Variants in NIN observed in about 807,000 individuals in gnomAD.
The protein encoded by NIN is ninein.
A neutral mutation model predicts 257.6 loss-of-function variants in NIN; 137 were observed. The ratio of observed to expected loss-of-function variants is 0.53; its 90% confidence interval spans 0.46 to 0.61. The LOEUF is 0.61. NIN is among the 20% of genes least tolerant of loss of function. NIN has a pLI of 0.00. For synonymous variants in NIN, 918 were observed against 919.8 expected (o/e 1.00, Z 0.04); for missense variants, 2,439 against 2,501.2 (o/e 0.98, Z 0.53).
At position 50,758,408 on chromosome 14, in the gene NIN, C is replaced by T. The variant is rs1236499937; in HGVS notation, c.2622G>A (p.Glu874=). The change falls in exon 18 of 31, where the codon GAG becomes GAA. Residue 874 remains glutamate, a synonymous_variant. Transcript: ENST00000530997. ...ELTQECAEAQ[E]LLKETLKREK... ...CTCTCTTAAGAGTCTCTTTCAGCAG[C>T]TCCTGGGCTTCCGCACACTCCTGGG... 1.2e-6 allele frequency: 2 copies of T among 1,614,038 alleles called. No individual in the cohort carries two copies. The highest frequency in any genetic ancestry group is 1.7e-6 in the Non-Finnish European group (2 of 1,179,890).
Position 50,738,135 on chromosome 14 carries a change from C to T in NIN, c.5775+5G>A. On this transcript the variant is annotated splice_donor_5th_base_variant and intron_variant, in intron 27 of 30. Transcript: ENST00000530997. ...GATGTACGCCATATATTCTCAAAAACTCACCTTCCTGTTAGCAGGAGATTG... is the reference window on the plus strand; with the variant it reads ...GATGTACGCCATATATTCTCAAAAATTCACCTTCCTGTTAGCAGGAGATTG... 1 of 1,613,758 alleles carries T rather than the reference C, an allele frequency of 6.2e-7. No homozygotes were observed. Among genetic ancestry groups the T allele is most frequent in the Non-Finnish European group, 8.5e-7 (1 of 1,179,854 alleles).
At chr14:50,741,280 C>T (rs956844830) in intron 25 of NIN, among the ~76,000 whole-genome samples, 7 of 152,034 alleles carry the variant, frequency 4.6e-5, no homozygotes, top group African/African-American at 1.7e-4. Context: ...AAAAAAAGAC[C>T]TGTTTTATAT....
In NIN at chr14:50,722,561, CCT is replaced by C. The variant is rs1290615378; in HGVS notation, c.*900_*901del. 4 of 210,500 alleles carry C rather than the reference CCT, an allele frequency of 1.9e-5. No individual in the cohort carries two copies. Among genetic ancestry groups the C allele is most frequent in the Non-Finnish European group, 2.9e-5 (3 of 103,522 alleles). The allele number at this position is 210,500 out of a possible 1,614,324, so 13.0% of individuals were successfully genotyped here. On this transcript the variant is annotated 3_prime_UTR_variant, in exon 31 of 31. Transcript: ENST00000530997. ...AGGAAGACAGTTTACAGTATTGTTC[CCT>C]GAGTTCTTGAGGCAACCTCAAGTAA...
In NIN at chr14:50,764,043, G is replaced by C. The variant is rs1595808574; in HGVS notation, c.1636-79C>G. 7.0e-6 allele frequency: 9 copies of C among 1,291,932 alleles called. No individual in the cohort carries two copies. The East Asian group carries it at 2.1e-4, about 30-fold the overall frequency. The allele number at this position is 1,291,932 out of a possible 1,614,324, so 80.0% of individuals were successfully genotyped here. On this transcript the variant is annotated intron_variant, in intron 14 of 30. Transcript: ENST00000530997. ...ACAACAACAACAAAAAAGATAAATT[G>C]GATATCATCAAAACAAAATCTTTTG...
At position 50,758,552 on chromosome 14, in the gene NIN, A is replaced by G. The variant is rs1254190643; in HGVS notation, c.2478T>C (p.Thr826=). 1 of 1,613,262 alleles carries G rather than the reference A, an allele frequency of 6.2e-7. No homozygotes were observed. The highest frequency in any genetic ancestry group is 8.5e-7 in the Non-Finnish European group (1 of 1,179,690). ...TTTGCAGAGCGCTTTCACACCTCTC[A>G]GTGACTTTCTGACAATCAGACTGAA... ...AQFQSDCQKV[T]ERCESALQSL... The change falls in exon 18 of 31, where the codon ACT becomes ACC. Residue 826 remains threonine, a synonymous_variant. Coordinates refer to ENST00000530997, the MANE Select transcript of NIN (RefSeq NM_020921.4).
rs563493579 is a variant in NIN, at chr14:50,730,608, G to C, written c.5878-885C>G. Among the ~76,000 whole-genome samples, 165 of 152,082 alleles carry C rather than the reference G, an allele frequency of 1.1e-3. 1 individual carries two copies. The highest frequency in any genetic ancestry group is 3.9e-3 in the African/African-American group (163 of 41,472). ...CCATTTCCTTATATCTAAATTTCTA[G>C]GTGGGGGTGGGGGCATTGCCCACTT... is the stretch of plus-strand genomic sequence containing the variant. On this transcript the variant is annotated intron_variant, in intron 28 of 30. Transcript: ENST00000530997.
In NIN at chr14:50,729,656, T is replaced by C. The variant is rs756677951; in HGVS notation, c.5945A>G (p.Gln1982Arg). The C allele has an allele frequency of 4.1e-5, 66 of 1,613,722 alleles. No individual in the cohort carries two copies. Among genetic ancestry groups the C allele is most frequent in the Middle Eastern group, 1.7e-4 (1 of 6,000 alleles). The change falls in exon 29 of 31, where the codon CAG (glutamine) becomes CGG (arginine). Residue 1982 changes from glutamine to arginine, a missense_variant. Physicochemically the swap from Gln to Arg is conservative, Grantham distance 43. Coordinates refer to ENST00000530997, the MANE Select transcript of NIN (RefSeq NM_020921.4). Reference protein sequence around the residue: ...SPHAWDLQLLQQQACPMVPRE... With the variant: ...SPHAWDLQLLRQQACPMVPRE... ...GGGCACCATCGGACAGGCTTGCTGCTGGAGCAGCTGCAAATCCCAAGCATG... is the reference window on the plus strand; with the variant it reads ...GGGCACCATCGGACAGGCTTGCTGCCGGAGCAGCTGCAAATCCCAAGCATG...
Position 50,770,631 on chromosome 14 carries a change from A to G in NIN, c.1260-69T>C. On this transcript the variant is annotated intron_variant, in intron 11 of 30. Transcript: ENST00000530997. ...AGGTCCCAGTATCAATCTACCAAAA[A>G]TGGAAACACAGAGGCACAGAGATGA... The G allele has an allele frequency of 3.2e-6, 5 of 1,548,938 alleles. No homozygotes were observed. In the South Asian group the frequency reaches 5.8e-5, roughly 18 times the overall value.
At chr14:50,749,835 G>A (rs920515865) in intron 21 of NIN, among the ~76,000 whole-genome samples, 3 of 152,010 alleles carry the variant, frequency 2.0e-5, no homozygotes, top group African/African-American at 2.4e-5. Flanking sequence ...GACTATAGGG[G>A]CATGCCACCA....
At position 50,760,205 on chromosome 14, in the gene NIN, G is replaced by A; in HGVS notation, c.2051C>T (p.Ala684Val). The change falls in exon 17 of 31, where the codon GCA becomes GTA. Residue 684 changes from alanine to valine, a missense_variant. Physicochemically the swap from Ala to Val is moderately conservative, Grantham distance 64. Coordinates refer to ENST00000530997, the MANE Select transcript of NIN (RefSeq NM_020921.4). ...NEIAELQGQA[A>V]VLKEAHHEAT... ...CTCATGATGTGCCTCCTTGAGCACT[G>A]CTGCTTGCCCCTGAAGTTCAGCAAT... 6.2e-7 allele frequency: 1 copy of A among 1,613,838 alleles called. No individual in the cohort carries two copies. Among genetic ancestry groups the A allele is most frequent in the South Asian group, 1.1e-5 (1 of 91,088 alleles).
rs776504868 is a variant in NIN, at chr14:50,738,294, G to A, written c.5629-8C>T. The A allele has an allele frequency of 6.2e-7, 1 of 1,608,390 alleles. No homozygotes were observed. Among genetic ancestry groups the A allele is most frequent in the South Asian group, 1.1e-5 (1 of 89,604 alleles). On this transcript the variant is annotated splice_polypyrimidine_tract_variant and splice_region_variant and intron_variant, in intron 26 of 30. Transcript: ENST00000530997. ...GGATTCCAACTGACGGACCTAACAGGAACAAATGTAAGAGGAAAAAATGCT... is the reference window on the plus strand; with the variant it reads ...GGATTCCAACTGACGGACCTAACAGAAACAAATGTAAGAGGAAAAAATGCT...
intron 4 of NIN, among the ~76,000 whole-genome samples, chr14:50,797,708 G>T (rs531458759): frequency 6.6e-6 from 1 of 152,122 alleles, no homozygotes; most frequent in South Asian, 2.1e-4. Context: ...AAAATCCAAA[G>T]GAACACTAAG....
At position 50,771,075 on chromosome 14, in the gene NIN, T is replaced by C. The variant is rs184481249; in HGVS notation, c.1119-83A>G. 6.7e-6 allele frequency: 10 copies of C among 1,498,736 alleles called. No homozygotes were observed. In the Admixed American group the frequency reaches 1.1e-4, roughly 16 times the overall value. The allele number at this position is 1,498,736 out of a possible 1,614,324, so 92.8% of individuals were successfully genotyped here. A position where few individuals can be genotyped will look rare whatever the true frequency, so the allele number is the denominator to read the frequency against. On this transcript the variant is annotated intron_variant, in intron 10 of 30. Transcript: ENST00000530997. ...CAGAAAAGCTCTCATCTGGCTTGCATCAATACAGAAGCAAAACCAAGACAA... is the reference window on the plus strand; with the variant it reads ...CAGAAAAGCTCTCATCTGGCTTGCACCAATACAGAAGCAAAACCAAGACAA...
At chr14:50,750,316 G>A (rs994625016) in intron 21 of NIN, among the ~76,000 whole-genome samples, 1 of 152,010 alleles carries the variant, frequency 6.6e-6, no homozygotes, top group Admixed American at 6.6e-5. Context: ...ATCTAGCTTT[G>A]TATACATATT....
rs761835610 is a variant in NIN, at chr14:50,766,851, C to T, written c.1474G>A (p.Glu492Lys). The change falls in exon 13 of 31, where the codon GAG becomes AAG. Residue 492 changes from glutamate (E) to lysine (K), a missense_variant. Physicochemically the swap from Glu to Lys is moderately conservative, Grantham distance 56. Transcript: ENST00000530997. ...RLENELLENA[E>K]KLAEYENLTN... ...AGATTCTCATATTCTGCCAACTTCT[C>T]TGCATTTTCTAGAAGCTCATTTTCC... 6.2e-7 allele frequency: 1 copy of T among 1,613,980 alleles called. No homozygotes were observed. The highest frequency in any genetic ancestry group is 1.7e-5 in the Admixed American group (1 of 60,014).
rs2042038872 is a variant in NIN at position 50,756,623 on chromosome 14, C to T, written c.4407G>A (p.Lys1469=). The change falls in exon 18 of 31, where the codon AAG becomes AAA. Residue 1469 remains lysine, a synonymous_variant. Transcript: ENST00000530997. ...TKLQELTRKL[K]ERVTILVKQK... ...GCTTAACTAAAATAGTGACTCTCTC[C>T]TTCAACTTCCTAGTCAGCTCCTGTA... 1 of 1,565,662 alleles carries T rather than the reference C, an allele frequency of 6.4e-7. No homozygotes were observed. The highest frequency in any genetic ancestry group is 8.7e-7 in the Non-Finnish European group (1 of 1,153,466).
chr14:50,760,215 C>G lies in NIN; in HGVS notation c.2041G>C (p.Gly681Arg). Reference protein sequence around the residue: ...DLKNEIAELQGQAAVLKEAHH... With the variant: ...DLKNEIAELQRQAAVLKEAHH... ...GCCTCCTTGAGCACTGCTGCTTGCC[C>G]CTGAAGTTCAGCAATTTCATTTTTA... Residue 681 changes from glycine to arginine, a missense_variant, in exon 17 of 31, where the codon GGG (glycine) becomes CGG (arginine). Around this residue, in one of 3 missense-constraint regions of NIN, gnomAD observed 2,043 missense variants for 2,050.2 expected, o/e 1.00. Coordinates refer to ENST00000530997, the MANE Select transcript of NIN (RefSeq NM_020921.4). The G allele has an allele frequency of 6.2e-7, 1 of 1,613,796 alleles. No homozygotes were observed. Among genetic ancestry groups the G allele is most frequent in the Non-Finnish European group, 8.5e-7 (1 of 1,180,034 alleles).
intron 3 of NIN, among the ~76,000 whole-genome samples, chr14:50,820,439 C>T (rs1472938606): frequency 6.6e-6 from 1 of 152,150 alleles, no homozygotes; most frequent in Non-Finnish European, 1.5e-5. Context: ...TTGTATCATG[C>T]CTTTTCAGAC....
chr14:50,738,044 T>C, intron 27 of NIN, 96 bp downstream of exon 27: 2 of 1,249,358 alleles, frequency 1.6e-6, no homozygotes, highest in Non-Finnish European at 2.2e-6. Context: ...TATGCCATCG[T>C]AATCATTTCC....
Sources: allele counts gnomAD v4.1 joint callset (sites outside exome capture counted in the v4.1 genomes callset), GRCh38; gene constraint gnomAD v4.1.1; regional missense constraint gnomAD v4.1.1; transcripts MANE v1.5; gene names NCBI Gene and HGNC (gene_info 2026-07-23, HGNC 2026-07-21).